The following GPC6 variants were observed in gnomAD, a reference collection of about 807,000 sequenced individuals.
GPC6 encodes glypican 6, also known as glypican-6.
Under a neutral mutation model 55.2 loss-of-function variants are expected in GPC6, and 14 were observed. That is an observed-to-expected ratio of 0.25 (90% CI 0.17 to 0.40). GPC6 has a LOEUF of 0.40. Among genes scored for constraint, GPC6 ranks in the 10% least tolerant of loss-of-function variants. GPC6 has a pLI of 1.00. For missense variants in GPC6, 641 were observed against 708.5 expected (o/e 0.90, Z 1.08); for synonymous variants, 278 against 259.6 (o/e 1.07, Z -0.68).
chr13:94,250,867 T>G (rs556345562), intron 4 of GPC6, among the ~76,000 whole-genome samples: 98 of 152,226 alleles, frequency 6.4e-4, no homozygotes, highest in African/African-American at 2.2e-3. Context: ...TGTCATAAAA[T>G]TGTTCTTAAA....
chr13:93,351,467 T>A (rs1208675352), intron 1 of GPC6, among the ~76,000 whole-genome samples: 2 of 152,040 alleles, frequency 1.3e-5, no homozygotes, highest in African/African-American at 4.8e-5. Flanking sequence ...GAGAGAGTTG[T>A]TAAAGGATAC....
At chr13:93,792,965 A>G (rs1886092704) in intron 2 of GPC6, among the ~76,000 whole-genome samples, 1 of 152,038 alleles carries the variant, frequency 6.6e-6, no homozygotes, top group Non-Finnish European at 1.5e-5. Flanking sequence ...GAACTTTCTG[A>G]CCCCCATACC....
At chr13:93,620,445 G>A (rs1927691) in intron 2 of GPC6, among the ~76,000 whole-genome samples, 5,468 of 152,124 alleles carry the variant, frequency 0.036, 340 homozygotes, top group African/African-American at 0.12. Context: ...TTCCTCTCTG[G>A]TATTATTCTT....
intron 2 of GPC6, among the ~76,000 whole-genome samples, chr13:93,794,924 C>A (rs1391061746): frequency 6.6e-6 from 1 of 152,158 alleles, no homozygotes; most frequent in Admixed American, 6.5e-5. Context: ...TAAACTATAT[C>A]ACTCTTTTCC....
chr13:93,363,907 G>A (rs1248221759), intron 1 of GPC6, among the ~76,000 whole-genome samples: 1 of 151,952 alleles, frequency 6.6e-6, no homozygotes, highest in Non-Finnish European at 1.5e-5. Context: ...ATTTTTTCAT[G>A]TGTTTTTTGG....
chr13:93,281,932 T>C (rs192072806), intron 1 of GPC6, among the ~76,000 whole-genome samples: 1 of 152,300 alleles, frequency 6.6e-6, no homozygotes, highest in East Asian at 1.9e-4. Flanking sequence ...TTTTCTCACA[T>C]TTGCTTTTGA....
intron 2 of GPC6, among the ~76,000 whole-genome samples, chr13:93,643,933 C>T (rs1324898474): frequency 1.3e-5 from 2 of 152,058 alleles, no homozygotes; most frequent in Non-Finnish European, 1.5e-5. Flanking sequence ...AATACATCAT[C>T]ATTTTTCCTG....
intron 4 of GPC6, among the ~76,000 whole-genome samples, chr13:94,206,715 G>A (rs1006312151): frequency 6.6e-6 from 1 of 152,052 alleles, no homozygotes; most frequent in Non-Finnish European, 1.5e-5. Flanking sequence ...TTAGCTGGGT[G>A]TAGTGGAATG....
chr13:93,285,960 G>C (rs1226627015), intron 1 of GPC6, among the ~76,000 whole-genome samples: 1 of 152,144 alleles, frequency 6.6e-6, no homozygotes, highest in African/African-American at 2.4e-5. Context: ...TTGTCAGCCT[G>C]TTGAGAGAAG....
intron 1 of GPC6, among the ~76,000 whole-genome samples, chr13:93,327,159 A>G (rs1220910019): frequency 1.3e-5 from 2 of 152,226 alleles, no homozygotes; most frequent in Non-Finnish European, 2.9e-5. Context: ...AGATTTATGT[A>G]GTAACTAGGC....
chr13:94,326,313 T>C (rs567470055), intron 6 of GPC6, among the ~76,000 whole-genome samples: 16 of 151,780 alleles, frequency 1.1e-4, no homozygotes, highest in African/African-American at 3.6e-4. Context: ...CCTTTTAAAA[T>C]AATAGGAGAA....
chr13:94,165,209 A>G (rs189446818), intron 4 of GPC6, among the ~76,000 whole-genome samples: 4,307 of 147,468 alleles, frequency 0.029, 248 homozygotes, highest in East Asian at 0.29. Flanking sequence ...GTGTGTGTGT[A>G]TATATATATA....
At chr13:93,217,061 G>C in the GPC6 span, among the ~76,000 whole-genome samples, 5 of 152,064 alleles carry the variant, frequency 3.3e-5, no homozygotes, top group Admixed American at 2.0e-4. Flanking sequence ...AAAAAATCTA[G>C]AAATCTTCTT....
At chr13:93,895,232 G>GTATATATA (rs1875929216) in intron 3 of GPC6, among the ~76,000 whole-genome samples, 1 of 73,386 alleles carries the variant, frequency 1.4e-5, no homozygotes, top group Non-Finnish European at 2.7e-5. Flanking sequence ...ATGTGTGTGT[G>GTATATATA]TGTATATATA....
chr13:93,663,482 T>A (rs1206563467), intron 2 of GPC6, among the ~76,000 whole-genome samples: 1 of 152,230 alleles, frequency 6.6e-6, no homozygotes, highest in Non-Finnish European at 1.5e-5. Flanking sequence ...GTTTACAGTC[T>A]TATTATATCC....
At chr13:94,206,885 A>G (rs1247135647) in intron 4 of GPC6, among the ~76,000 whole-genome samples, 2 of 152,176 alleles carry the variant, frequency 1.3e-5, no homozygotes, top group East Asian at 3.9e-4. Context: ...ATAGTAAACA[A>G]TTTGCCTGTG....
At chr13:94,145,170 T>TGGATGGATGGAC (rs1555300597) in intron 4 of GPC6, among the ~76,000 whole-genome samples, 1 of 149,732 alleles carries the variant, frequency 6.7e-6, no homozygotes, top group Non-Finnish European at 1.5e-5. Context: ...GATGGATGGA[T>TGGATGGATGGAC]GGACGGATGA....
At chr13:94,156,619 A>G (rs929144163) in intron 4 of GPC6, among the ~76,000 whole-genome samples, 13 of 152,154 alleles carry the variant, frequency 8.5e-5, no homozygotes, top group Non-Finnish European at 1.6e-4. Flanking sequence ...TTCTATGAAT[A>G]CTTTGTGAGG....
intron 2 of GPC6, among the ~76,000 whole-genome samples, chr13:93,719,559 T>A (rs1301765358): frequency 6.6e-6 from 1 of 151,848 alleles, no homozygotes; most frequent in African/African-American, 2.4e-5. Flanking sequence ...TCTCTTCATA[T>A]TTGAACATGC....
Sources: gnomAD v4.1 joint callset for allele counts (sites outside exome capture counted in the v4.1 genomes callset) on GRCh38, gnomAD v4.1.1 for gene constraint, MANE v1.5 for transcripts, NCBI Gene and HGNC (gene_info 2026-07-23, HGNC 2026-07-21) for gene names.